Variants in MTFR1 observed in about 807,000 individuals in gnomAD.
MTFR1 encodes mitochondrial fission regulator 1, also known as chondrocyte protein with a poly-proline region.
A neutral mutation model predicts 38.8 loss-of-function variants in MTFR1; 28 were observed. The ratio of observed to expected loss-of-function variants is 0.72; its 90% CI spans 0.53 to 0.99. The LOEUF is 0.99. Among genes scored for constraint, MTFR1 ranks in the 50% least tolerant of loss-of-function variants. The pLI is 0.00. For missense variants in MTFR1, 358 were observed against 395.5 expected (o/e 0.91, Z 0.81); for synonymous variants, 145 against 137.0 (o/e 1.06, Z -0.41).
At chr8:65,648,660 T>C (rs1237527865) in intron 1 of MTFR1, among the ~76,000 whole-genome samples, 1 of 152,204 alleles carries the variant, frequency 6.6e-6, no homozygotes, top group Non-Finnish European at 1.5e-5. Flanking sequence ...ATTTAACGTA[T>C]AATTTGTACA....
intron 3 of MTFR1, among the ~76,000 whole-genome samples, chr8:65,744,957 C>T (rs1807604322): frequency 6.6e-6 from 1 of 152,166 alleles, no homozygotes; most frequent in African/African-American, 2.4e-5. Context: ...CCAGCCAAAT[C>T]TCACCTTGAA....
At chr8:65,685,913 T>TAG (rs1235665074) in intron 3 of MTFR1, among the ~76,000 whole-genome samples, 1 of 152,080 alleles carries the variant, frequency 6.6e-6, no homozygotes, top group African/African-American at 2.4e-5. Context: ...AGGAGACAAG[T>TAG]AGAGGTTGAG....
At chr8:65,766,553 T>C (rs1195053650) in intron 3 of MTFR1, among the ~76,000 whole-genome samples, 3 of 152,194 alleles carry the variant, frequency 2.0e-5, no homozygotes, top group Admixed American at 6.5e-5. Flanking sequence ...TTAGAACACG[T>C]AGAAAGCTCT....
In MTFR1 at chr8:65,669,862, T is replaced by G; in HGVS notation, c.-80-11T>G. 9.9e-7 allele frequency: 1 copy of G among 1,007,924 alleles called. No homozygotes were observed. Among genetic ancestry groups the G allele is most frequent in the Non-Finnish European group, 1.5e-6 (1 of 657,652 alleles). The allele number at this position is 1,007,924 out of a possible 1,614,324, so 62.4% of individuals were successfully genotyped here. A position where few individuals can be genotyped will look rare whatever the true frequency, so the allele number is the denominator to read the frequency against. ...TGATTTCATTTTAGTATTTGCATTTTAAATTTTCAGTGTGTTTTATGGACC... is the reference window on the plus strand; with the variant it reads ...TGATTTCATTTTAGTATTTGCATTTGAAATTTTCAGTGTGTTTTATGGACC... On this transcript the variant is annotated splice_polypyrimidine_tract_variant and intron_variant, in intron 1 of 7. Coordinates refer to ENST00000262146, the MANE Select transcript of MTFR1 (RefSeq NM_014637.4).
At chr8:65,711,938 G>C (rs1204615620), downstream of MTFR1, among the ~76,000 whole-genome samples, 1 of 152,160 alleles carries the variant, frequency 6.6e-6, no homozygotes, top group African/African-American at 2.4e-5. Flanking sequence ...TAAATGTTAA[G>C]ACAGCTCAAA....
intron 3 of MTFR1, among the ~76,000 whole-genome samples, chr8:65,693,122 G>A (rs1805331600): frequency 6.6e-6 from 1 of 151,854 alleles, no homozygotes; most frequent in Non-Finnish European, 1.5e-5. Context: ...CAACTTATAG[G>A]CTGGGCACAG....
intron 3 of MTFR1, among the ~76,000 whole-genome samples, chr8:65,751,404 T>C (rs1381294018): frequency 2.6e-5 from 4 of 151,870 alleles, no homozygotes; most frequent in African/African-American, 9.7e-5. Flanking sequence ...TGTCCCCTTA[T>C]ACAACCACTC....
intron 3 of MTFR1, among the ~76,000 whole-genome samples, chr8:65,732,954 T>G (rs1262820354): frequency 6.6e-6 from 1 of 152,074 alleles, no homozygotes; most frequent in Non-Finnish European, 1.5e-5. Context: ...AAGCAAGCCA[T>G]CCGCCTCAGC....
At position 65,672,364 on chromosome 8, in the gene MTFR1, A is replaced by T. The variant is rs192250125; in HGVS notation, c.66+2346A>T. Among the ~76,000 whole-genome samples, 6 of 152,356 alleles carry T rather than the reference A, an allele frequency of 3.9e-5. No individual in the cohort carries two copies. In the East Asian group the frequency reaches 1.2e-3, roughly 29 times the overall value. Reference sequence around the variant, plus strand: ...ATCTTTCAAGATTTTATATTTGGGCACCAGAAAATAAAAGAAGCTTTCTTA... The same window carrying T: ...ATCTTTCAAGATTTTATATTTGGGCTCCAGAAAATAAAAGAAGCTTTCTTA... On this transcript the variant is annotated intron_variant, in intron 2 of 7. Transcript: ENST00000262146.
chr8:65,688,446 CTTTTCTTTTTTT>C (rs893690833), intron 3 of MTFR1, among the ~76,000 whole-genome samples: 1 of 133,628 alleles, frequency 7.5e-6, no homozygotes, highest in Non-Finnish European at 1.6e-5. Flanking sequence ...TTCAGTTTTT[CTTTTCTTTTTTT>C]TTTTTTTTGA....
chr8:65,660,715 T>C (rs1246815043), intron 1 of MTFR1, among the ~76,000 whole-genome samples: 1 of 152,228 alleles, frequency 6.6e-6, no homozygotes, highest in Non-Finnish European at 1.5e-5. Flanking sequence ...GTTGGTTCTC[T>C]CTGGAGAACC....
At chr8:65,658,228 G>T (rs1809320012) in intron 1 of MTFR1, among the ~76,000 whole-genome samples, 1 of 152,100 alleles carries the variant, frequency 6.6e-6, no homozygotes, top group Non-Finnish European at 1.5e-5. Context: ...TTATAACTTT[G>T]TAAATTTTTG....
rs1185412237 is a variant in MTFR1, at chr8:65,741,248, A to C, written c.*48+21767A>C. On this transcript the variant is annotated intron_variant, in intron 3 of 3. Transcript: ENST00000521247. Reference sequence around the variant, plus strand: ...TAGACTACATCCTTCACATAGACTCATAAATTACTGCCAACATTCAGATAA... The same window carrying C: ...TAGACTACATCCTTCACATAGACTCCTAAATTACTGCCAACATTCAGATAA... Among the ~76,000 whole-genome samples the C allele has an allele frequency of 3.3e-5, 5 of 152,328 alleles. No individual in the cohort carries two copies. The East Asian group carries it at 9.6e-4, about 29-fold the overall frequency.
At chr8:65,662,711 A>G (rs1438461205) in intron 1 of MTFR1, among the ~76,000 whole-genome samples, 3 of 114,066 alleles carry the variant, frequency 2.6e-5, no homozygotes, top group Admixed American at 8.9e-5. Context: ...CCCGGCAGCC[A>G]CACCGTCTGA....
At chr8:65,704,537 A>G (rs576826565) in intron 4 of MTFR1, among the ~76,000 whole-genome samples, 157 bp from the exon 5 acceptor site, 3 of 152,310 alleles carry the variant, frequency 2.0e-5, no homozygotes, top group East Asian at 1.9e-4. Flanking sequence ...AAGGTTGACA[A>G]ATGCTTTGCT....
At chr8:65,732,773 A>G (rs998081903) in intron 3 of MTFR1, among the ~76,000 whole-genome samples, 1 of 152,234 alleles carries the variant, frequency 6.6e-6, no homozygotes, top group Non-Finnish European at 1.5e-5. Context: ...CTGGCCTCCC[A>G]AAGTATTGAG....
chr8:65,761,042 C>T (rs996031388), intron 3 of MTFR1, among the ~76,000 whole-genome samples: 1 of 151,954 alleles, frequency 6.6e-6, no homozygotes, highest in Non-Finnish European at 1.5e-5. Flanking sequence ...AATATCTGAC[C>T]TTCTTACCAA....
At chr8:65,727,129 A>G in intron 3 of MTFR1, 1 of 1,241,364 alleles carries the variant, frequency 8.1e-7, no homozygotes, top group South Asian at 1.3e-5. Context: ...GATTTTCTAG[A>G]ATGCAAAAAT....
intron 3 of MTFR1, chr8:65,724,179 T>A (rs1402305154): frequency 1.1e-6 from 1 of 871,992 alleles, no homozygotes; most frequent in African/African-American, 1.7e-5. Flanking sequence ...ATATAAATTA[T>A]TGAGTTATTT....
Sources: allele counts gnomAD v4.1 joint callset (sites outside exome capture counted in the v4.1 genomes callset), GRCh38; gene constraint gnomAD v4.1.1; transcripts MANE v1.5; gene names NCBI Gene and HGNC (gene_info 2026-07-23, HGNC 2026-07-21).